Variants in ERBB4 observed in about 807,000 individuals in gnomAD.
ERBB4 encodes receptor tyrosine-protein kinase erbB-4.
ERBB4 carries 42 observed loss-of-function variants against 158.0 expected under a neutral mutation model. The observed-to-expected ratio is 0.27, with a 90% CI of 0.21 to 0.34. ERBB4 has a LOEUF of 0.34. Ranked by LOEUF, ERBB4 falls within the 10% of genes least tolerant of loss-of-function variation. ERBB4 has a pLI of 1.00. For missense variants in ERBB4, 1,333 were observed against 1,624.1 expected, an observed-to-expected ratio of 0.82 and a Z score of 3.08; for synonymous variants, 583 against 558.7, an observed-to-expected ratio of 1.04 and a Z score of -0.61.
intron 2 of ERBB4, among the ~76,000 whole-genome samples, chr2:211,986,752 T>C (rs1340732791): frequency 6.6e-6 from 1 of 152,150 alleles, no homozygotes; most frequent in Non-Finnish European, 1.5e-5. Context: ...TCTAGAATAG[T>C]GCATGGCATA....
At chr2:212,162,012 T>C (rs967475044) in intron 1 of ERBB4, among the ~76,000 whole-genome samples, 1 of 151,854 alleles carries the variant, frequency 6.6e-6, no homozygotes, top group Non-Finnish European at 1.5e-5. Context: ...GCAATTACTT[T>C]GGGAAATAAT....
chr2:212,361,710 T>C (rs1156684367), intron 1 of ERBB4, among the ~76,000 whole-genome samples: 1 of 151,662 alleles, frequency 6.6e-6, no homozygotes, highest in South Asian at 2.1e-4. Flanking sequence ...TTTTGGTGAA[T>C]GTTATCTATA....
intron 2 of ERBB4, among the ~76,000 whole-genome samples, chr2:211,975,353 C>G (rs751664331): frequency 6.6e-6 from 1 of 152,168 alleles, no homozygotes; most frequent in East Asian, 1.9e-4. Context: ...GTTGTCCAAT[C>G]AATCCTGACC....
intron 20 of ERBB4, among the ~76,000 whole-genome samples, chr2:211,438,052 C>G (rs537815040): frequency 2.0e-5 from 3 of 152,120 alleles, no homozygotes; most frequent in African/African-American, 4.8e-5. Context: ...TTTTAACCAG[C>G]AGAAGCTGGT....
At chr2:212,102,730 G>A (rs1424608182) in intron 2 of ERBB4, among the ~76,000 whole-genome samples, 2 of 152,034 alleles carry the variant, frequency 1.3e-5, no homozygotes, top group African/African-American at 4.8e-5. Context: ...TTCCTAAGTG[G>A]AGCTATAGAT....
intron 1 of ERBB4, among the ~76,000 whole-genome samples, chr2:212,312,635 A>C (rs2087100556): frequency 6.6e-6 from 1 of 151,026 alleles, no homozygotes; most frequent in South Asian, 2.1e-4. Flanking sequence ...ATTAATATAG[A>C]ATCCAAATAT....
chr2:212,034,366 T>C (rs2076967771), intron 2 of ERBB4, among the ~76,000 whole-genome samples: 1 of 152,068 alleles, frequency 6.6e-6, no homozygotes, highest in African/African-American at 2.4e-5. Context: ...TAAGTCAATA[T>C]GGCTTTATTA....
intron 2 of ERBB4, among the ~76,000 whole-genome samples, chr2:211,959,971 G>A (rs12623434): frequency 0.21 from 31,721 of 151,860 alleles, 3,624 homozygotes; most frequent in East Asian, 0.39. Context: ...TGGGGGTATC[G>A]ACAGCACCCT....
rs62184545 is a variant in ERBB4 at position 211,928,578 on chromosome 2, G to A, written c.421+18852C>T. Among the ~76,000 whole-genome samples the A allele has an allele frequency of 5.9e-3, 891 of 152,228 alleles. 5 individuals are homozygous for A. The highest frequency in any genetic ancestry group is 0.01 in the Middle Eastern group (3 of 294). On this transcript the variant is annotated intron_variant, in intron 3 of 27. Transcript: ENST00000342788. ...TCTTCCTGGGAGGAAGAAAGAGCAC[G>A]CCTTTTACCATCGGGCCTTCAAGAT...
intron 20 of ERBB4, chr2:211,561,647 CT>C (rs2067395606): frequency 4.1e-6 from 2 of 482,356 alleles, no homozygotes; most frequent in South Asian, 2.1e-5. Flanking sequence ...ATTCCTCCCC[CT>C]GACTACCAAG....
intron 5 of ERBB4, among the ~76,000 whole-genome samples, chr2:211,734,620 T>TAAAAAA (rs34036811): frequency 5.9e-5 from 6 of 102,318 alleles, no homozygotes; most frequent in Admixed American, 2.4e-4. Flanking sequence ...GCTGTAGCAT[T>TAAAAAA]AAAAAAAAAA....
chr2:212,060,511 G>A (rs919745540), intron 2 of ERBB4, among the ~76,000 whole-genome samples: 6 of 149,978 alleles, frequency 4.0e-5, no homozygotes, highest in African/African-American at 1.2e-4. Context: ...ACATGCACAC[G>A]TATGTTTATT....
Position 211,899,955 on chromosome 2 carries a change from C to T in ERBB4, c.421+47475G>A, listed in dbSNP as rs182409807. On this transcript the variant is annotated intron_variant, in intron 3 of 27. Transcript: ENST00000342788. ...GCAAACTTAACCAAACTTATAAACT[C>T]AGTATTGTACTTTTAAGTAAGTTTC... Among the ~76,000 whole-genome samples the T allele has an allele frequency of 8.4e-4, 128 of 152,182 alleles. 1 individual carries two copies. The highest frequency in any genetic ancestry group is 2.9e-3 in the African/African-American group (122 of 41,524).
intron 3 of ERBB4, among the ~76,000 whole-genome samples, chr2:211,930,609 G>A (rs2080148208): frequency 6.6e-6 from 1 of 152,010 alleles, no homozygotes; most frequent in African/African-American, 2.4e-5. Flanking sequence ...ACCCAGCCGT[G>A]TTATAGCAAT....
At chr2:212,309,892 A>G (rs1233330417) in intron 1 of ERBB4, among the ~76,000 whole-genome samples, 1 of 150,652 alleles carries the variant, frequency 6.6e-6, no homozygotes, top group Non-Finnish European at 1.5e-5. Flanking sequence ...TTATCATCCT[A>G]TATAATAAAA....
chr2:211,430,245 G>A lies in ERBB4; in HGVS notation c.2643+700C>T, dbSNP rs191445599. Among the ~76,000 whole-genome samples the A allele has an allele frequency of 3.7e-3, 557 of 152,068 alleles. 5 individuals are homozygous for A. Among genetic ancestry groups the A allele is most frequent in the African/African-American group, 0.013 (539 of 41,472 alleles). On this transcript the variant is annotated intron_variant, in intron 21 of 27. Coordinates refer to ENST00000342788, the MANE Select transcript of ERBB4 (RefSeq NM_005235.3). ...GTCACCATAGCCTAAGATTGCATTT[G>A]CTTATTTCATTTGGGCTGCCTGACC...
chr2:211,544,605 A>G (rs1022300108), intron 20 of ERBB4, among the ~76,000 whole-genome samples: 1 of 152,044 alleles, frequency 6.6e-6, no homozygotes, highest in African/African-American at 2.4e-5. Context: ...CAATAATAAC[A>G]AGAGTGAGAA....
intron 1 of ERBB4, among the ~76,000 whole-genome samples, chr2:212,445,751 G>A (rs1167434027): frequency 2.6e-5 from 4 of 152,156 alleles, no homozygotes; most frequent in African/African-American, 9.7e-5. Flanking sequence ...GAAGGTTTGG[G>A]TCACTCCACC....
intron 1 of ERBB4, among the ~76,000 whole-genome samples, chr2:212,322,047 T>C (rs1363835086): frequency 6.6e-6 from 1 of 150,608 alleles, no homozygotes; most frequent in Non-Finnish European, 1.5e-5. Flanking sequence ...ACAATATTTA[T>C]GGTCCTTCTT....
Sources: allele counts gnomAD v4.1 joint callset (sites outside exome capture counted in the v4.1 genomes callset), GRCh38; gene constraint gnomAD v4.1.1; transcripts MANE v1.5; gene names NCBI Gene and HGNC (gene_info 2026-07-23, HGNC 2026-07-21).